Variants in COLEC10 observed in about 807,000 individuals in gnomAD.
COLEC10 encodes the protein collectin-10.
Under a neutral mutation model 28.4 loss-of-function variants are expected in COLEC10, and 22 were observed. The observed-to-expected ratio is 0.78, with a 90% CI of 0.55 to 1.11. The LOEUF is 1.11. Among genes scored for constraint, COLEC10 ranks in the 50% least tolerant of loss-of-function variants. COLEC10 has a pLI of 0.00. For missense variants in COLEC10, 361 were observed against 344.1 expected (o/e 1.05, Z -0.39); for synonymous variants, 125 against 116.1 (o/e 1.08, Z -0.49).
chr8:119,034,933 C>G (rs1381864131), intron 2 of COLEC10, among the ~76,000 whole-genome samples: 1 of 152,060 alleles, frequency 6.6e-6, no homozygotes, highest in African/African-American at 2.4e-5. Context: ...TAATGCCTGC[C>G]TGAAGTTTAG....
In COLEC10 at chr8:119,024,958, C is replaced by A. The variant is rs76459311; in HGVS notation, n.235+15405C>A. ...GAAGAGATCCGGGCAAGATAATAGA[C>A]CTGTAATTCCCTCCACCCAGTTACA... On this transcript the variant is annotated intron_variant and non_coding_transcript_variant, in intron 2 of 6. Transcript: ENST00000521788. Among the ~76,000 whole-genome samples the A allele has an allele frequency of 9.6e-3, 1,466 of 152,176 alleles. 26 individuals are homozygous for A. Among genetic ancestry groups the A allele is most frequent in the African/African-American group, 0.033 (1,367 of 41,498 alleles).
chr8:118,998,909 A>G (rs1813639642), intron 1 of COLEC10, among the ~76,000 whole-genome samples: 1 of 151,566 alleles, frequency 6.6e-6, no homozygotes, highest in South Asian at 2.1e-4. Flanking sequence ...CATTCTAATT[A>G]ATAGCCCATC....
chr8:118,955,240 C>T, the COLEC10 span, among the ~76,000 whole-genome samples: 6 of 152,016 alleles, frequency 3.9e-5, no homozygotes, highest in African/African-American at 1.4e-4. Context: ...ATATTTGAGA[C>T]ACAAACTATT....
At chr8:118,989,120 G>T in the COLEC10 span, among the ~76,000 whole-genome samples, 6 of 152,214 alleles carry the variant, frequency 3.9e-5, no homozygotes, top group East Asian at 1.2e-3. Context: ...AAATAAGATA[G>T]CAGACGAGAA....
At chr8:119,065,192 G>C (rs1315561845), upstream of COLEC10, among the ~76,000 whole-genome samples, 1 of 152,146 alleles carries the variant, frequency 6.6e-6, no homozygotes, top group Admixed American at 6.6e-5. Flanking sequence ...TGGCCTGTTA[G>C]GAGCACGGCT....
At chr8:119,091,366 A>G (rs888871287) in intron 3 of COLEC10, 146 bp downstream of exon 3, 10 of 545,616 alleles carry the variant, frequency 1.8e-5, no homozygotes, top group Non-Finnish European at 2.9e-5. Flanking sequence ...TGCACAACAC[A>G]GCAAGACCCA....
chr8:119,091,263 AT>A, intron 3 of COLEC10, 43 bp downstream of exon 3: 1 of 1,468,474 alleles, frequency 6.8e-7, no homozygotes, highest in Non-Finnish European at 9.5e-7. Flanking sequence ...TTCAAAGCAA[AT>A]TGAGGCCGGG....
chr8:119,007,265 C>T (rs149013323), intron 1 of COLEC10, among the ~76,000 whole-genome samples: 1 of 152,194 alleles, frequency 6.6e-6, no homozygotes, highest in East Asian at 1.9e-4. Context: ...GGGAATTCCT[C>T]TATGTTCTAC....
chr8:119,006,924 C>G (rs1813810640), intron 1 of COLEC10, among the ~76,000 whole-genome samples: 1 of 152,036 alleles, frequency 6.6e-6, no homozygotes. Context: ...TTTTATGTAA[C>G]TAGGTCAATA....
chr8:119,041,466 A>G (rs530474682), intron 2 of COLEC10, among the ~76,000 whole-genome samples: 4 of 152,350 alleles, frequency 2.6e-5, no homozygotes, highest in Non-Finnish European at 5.9e-5. Context: ...AGAATTGCTA[A>G]GCACTAGTAA....
intron 3 of COLEC10, 45 bp from the exon 4 acceptor site, chr8:119,102,303 T>G (rs749827549): frequency 7.3e-7 from 1 of 1,370,938 alleles, no homozygotes; most frequent in East Asian, 2.4e-5. Context: ...CTTTCTTCTT[T>G]TATTTTAATT....
chr8:119,070,452 T>G (rs937116326), intron 1 of COLEC10, among the ~76,000 whole-genome samples: 1 of 135,142 alleles, frequency 7.4e-6, no homozygotes, highest in Non-Finnish European at 1.6e-5. Flanking sequence ...CCTCGCTCTC[T>G]CTCTCTCTCT....
chr8:119,055,589 A>C lies in COLEC10; in HGVS notation n.236-34091A>C, dbSNP rs7823153. On this transcript the variant is annotated intron_variant and non_coding_transcript_variant, in intron 2 of 6. Coordinates refer to the COLEC10 transcript ENST00000521788. ...TGTCAAGTCACAACTCAGGTTTAAC[A>C]GTTTCTATTACACATATTCAATTTA... Among the ~76,000 whole-genome samples the C allele has an allele frequency of 2.8e-3, 426 of 152,198 alleles. 1 individual carries two copies. The highest frequency in any genetic ancestry group is 9.9e-3 in the African/African-American group (413 of 41,568).
chr8:119,023,782 T>C (rs1158925527), intron 2 of COLEC10, among the ~76,000 whole-genome samples: 1 of 152,194 alleles, frequency 6.6e-6, no homozygotes, highest in Non-Finnish European at 1.5e-5. Context: ...ATGCATTCTA[T>C]GAAAGCTACA....
chr8:118,982,701 G>A, the COLEC10 span: 3 of 159,296 alleles, frequency 1.9e-5, no homozygotes, highest in Admixed American at 6.4e-5. Flanking sequence ...CATATTAAAT[G>A]AGCTACAGTG....
chr8:119,098,215 A>C (rs1815758779), intron 3 of COLEC10, among the ~76,000 whole-genome samples: 1 of 152,034 alleles, frequency 6.6e-6, no homozygotes, highest in African/African-American at 2.4e-5. Context: ...TAAGGATCTT[A>C]AGCACAGTCT....
the COLEC10 span, among the ~76,000 whole-genome samples, chr8:118,958,067 G>A: frequency 1.3e-5 from 2 of 152,220 alleles, no homozygotes; most frequent in Non-Finnish European, 2.9e-5. Flanking sequence ...AGTAGGCAGA[G>A]GAAAGAGTTG....
rs1815989008 is a variant in COLEC10 at position 119,108,110 on chromosome 8, A to G, written c.*1919A>G. 6.6e-6 allele frequency among the ~76,000 whole-genome samples: 1 copy of G among 152,204 alleles called. No individual in the cohort carries two copies. Among genetic ancestry groups the G allele is most frequent in the South Asian group, 2.1e-4 (1 of 4,832 alleles). On this transcript the variant is annotated 3_prime_UTR_variant, in exon 6 of 6. Transcript: ENST00000332843. ...GGAATTTGTTATATGTTTGACATTT[A>G]TCAGGTTACTAGTTAAACTCTTTTG... is the stretch of plus-strand genomic sequence containing the variant.
chr8:119,034,494 C>T (rs1814352437), intron 2 of COLEC10, among the ~76,000 whole-genome samples: 1 of 151,024 alleles, frequency 6.6e-6, no homozygotes, highest in Non-Finnish European at 1.5e-5. Flanking sequence ...GGGTGGATCA[C>T]AAGGTCAGGA....
Sources: allele counts gnomAD v4.1 joint callset (sites outside exome capture counted in the v4.1 genomes callset), GRCh38; gene constraint gnomAD v4.1.1; transcripts MANE v1.5; gene names NCBI Gene and HGNC (gene_info 2026-07-23, HGNC 2026-07-21).